Variants in KAZN observed in about 807,000 individuals in gnomAD.
KAZN encodes kazrin.
KAZN carries 40 observed loss-of-function variants against 87.4 expected under a neutral mutation model. The observed-to-expected ratio is 0.46, with a 90% CI of 0.36 to 0.60. KAZN has a LOEUF of 0.60. Among genes scored for constraint, KAZN ranks in the 20% least tolerant of loss-of-function variants. The probability of loss-of-function intolerance (pLI) is 0.00; values close to 1 mark genes in which losing one functional copy is unlikely to be tolerated. For missense variants in KAZN, 898 were observed against 1,073.9 expected (o/e 0.84, Z 2.29); for synonymous variants, 466 against 458.3 (o/e 1.02, Z -0.22).
chr1:14,614,130 A>G lies in KAZN; in HGVS notation c.226+14907A>G, dbSNP rs933633774. Among the ~76,000 whole-genome samples, 9 of 152,152 alleles carry G rather than the reference A, an allele frequency of 5.9e-5. No individual in the cohort carries two copies. The East Asian group carries it at 1.7e-3, about 29-fold the overall frequency. ...AGTGTCACCCTGCCTCATCTCCAGC[A>G]ATGTCCTAAAACCCCTCAAGCATGT... On this transcript the variant is annotated intron_variant, in intron 1 of 14. Transcript: ENST00000376030.
rs1643864342 is a variant in KAZN at position 14,735,167 on chromosome 1, C to T, written c.226+135944C>T. Among the ~76,000 whole-genome samples, 2 of 152,228 alleles carry T rather than the reference C, an allele frequency of 1.3e-5. No individual in the cohort carries two copies. Among genetic ancestry groups the T allele is most frequent in the Non-Finnish European group, 2.9e-5 (2 of 68,044 alleles). ...CTCCGCCTCCCGGGTTCACTCCATT[C>T]TCCTGCCTCAGCCTCAGGAGCAGCT... On this transcript the variant is annotated intron_variant, in intron 1 of 14. Coordinates refer to ENST00000376030, the MANE Select transcript of KAZN (RefSeq NM_201628.3). This position sits in a 1 kb window ranked among gnomAD's most constrained non-coding sequence, Gnocchi z 4.3.
At chr1:14,273,028 A>G (rs1001663234) in intron 2 of KAZN, among the ~76,000 whole-genome samples, 3 of 152,142 alleles carry the variant, frequency 2.0e-5, no homozygotes, top group Admixed American at 1.3e-4. Flanking sequence ...AGAGAGAGGA[A>G]ACGACTTGCC....
At chr1:14,665,302 T>C (rs1386318663) in intron 1 of KAZN, among the ~76,000 whole-genome samples, 2 of 151,822 alleles carry the variant, frequency 1.3e-5, no homozygotes, top group African/African-American at 2.4e-5. Flanking sequence ...TTTTTTTTTT[T>C]ATTACTGCTG....
chr1:15,019,215 C>G (rs1268285174), intron 2 of KAZN, among the ~76,000 whole-genome samples: 3 of 152,162 alleles, frequency 2.0e-5, no homozygotes, highest in African/African-American at 7.2e-5. Context: ...CCACTGCACC[C>G]CCATTCCATG....
chr1:14,887,886 T>C (rs2101139028), intron 1 of KAZN, among the ~76,000 whole-genome samples: 1 of 152,288 alleles, frequency 6.6e-6, no homozygotes, highest in Middle Eastern at 3.4e-3. Context: ...CTCGTTATGT[T>C]TCATTGTGGT....
At chr1:14,222,799 A>G (rs985258391) in intron 2 of KAZN, among the ~76,000 whole-genome samples, 1 of 152,192 alleles carries the variant, frequency 6.6e-6, no homozygotes, top group Non-Finnish European at 1.5e-5. Context: ...TGAATCTACA[A>G]AGGTCATGAT....
intron 1 of KAZN, among the ~76,000 whole-genome samples, chr1:14,738,321 ATC>A (rs1224914504): frequency 6.6e-6 from 1 of 152,132 alleles, no homozygotes; most frequent in Non-Finnish European, 1.5e-5. Flanking sequence ...GAGGGAAGCG[ATC>A]ATGCTGAAAT....
At chr1:13,979,604 A>G (rs1638554388) in intron 1 of KAZN, among the ~76,000 whole-genome samples, 1 of 152,222 alleles carries the variant, frequency 6.6e-6, no homozygotes, top group African/African-American at 2.4e-5. Context: ...AAATCTGTCA[A>G]CTGAAACAAT....
intron 1 of KAZN, among the ~76,000 whole-genome samples, chr1:14,016,443 C>G (rs926268306): frequency 1.3e-5 from 2 of 152,230 alleles, no homozygotes; most frequent in African/African-American, 2.4e-5. Context: ...AACTGAGGGA[C>G]AGTTGACTGA....
At chr1:14,327,033 A>C (rs11808849) in intron 2 of KAZN, among the ~76,000 whole-genome samples, 3,977 of 152,272 alleles carry the variant, frequency 0.026, 177 homozygotes, top group African/African-American at 0.09. Flanking sequence ...TTGATTCAAT[A>C]TCCCCAGTTC....
intron 4 of KAZN, among the ~76,000 whole-genome samples, chr1:15,048,904 C>T (rs770790211): frequency 2.7e-5 from 4 of 150,418 alleles, no homozygotes; most frequent in Non-Finnish European, 4.4e-5. Context: ...GGTCCTGGGT[C>T]GTTGGTCATG....
chr1:14,696,849 T>C (rs1018747432), intron 1 of KAZN, among the ~76,000 whole-genome samples: 1 of 152,020 alleles, frequency 6.6e-6, no homozygotes, highest in Non-Finnish European at 1.5e-5. Flanking sequence ...AGAAGCAGTG[T>C]CCCCTAGAAC....
chr1:13,915,612 A>G (rs1395066350), intron 1 of KAZN, among the ~76,000 whole-genome samples: 1 of 152,182 alleles, frequency 6.6e-6, no homozygotes, highest in African/African-American at 2.4e-5. Flanking sequence ...CTCAGCGCCC[A>G]GTTGCCCTCT....
intron 2 of KAZN, among the ~76,000 whole-genome samples, chr1:14,335,203 C>CT (rs34934115): frequency 0.16 from 20,637 of 131,288 alleles, 1,636 homozygotes; most frequent in Non-Finnish European, 0.19. Context: ...GTCCTCCTTT[C>CT]TTTTTTTTTT....
At chr1:14,676,425 GTCC>G (rs1297242763) in intron 1 of KAZN, among the ~76,000 whole-genome samples, 1 of 151,064 alleles carries the variant, frequency 6.6e-6, no homozygotes, top group Non-Finnish European at 1.5e-5. Flanking sequence ...GCCACTTCAC[GTCC>G]CTGAGCCTCA....
intron 2 of KAZN, among the ~76,000 whole-genome samples, chr1:14,347,117 G>A (rs1658161111): frequency 6.6e-6 from 1 of 152,108 alleles, no homozygotes; most frequent in Non-Finnish European, 1.5e-5. Flanking sequence ...ACCCTTCCAC[G>A]GGTGACACCT....
At chr1:14,654,016 T>G (rs546209806) in intron 1 of KAZN, among the ~76,000 whole-genome samples, 146 of 152,314 alleles carry the variant, frequency 9.6e-4, no homozygotes, top group African/African-American at 3.5e-3. Context: ...CCAGGCACGA[T>G]GGCTCACGCC....
chr1:15,041,331 C>CTTTTTTTTTTTTTT (rs71000360), intron 3 of KAZN, among the ~76,000 whole-genome samples: 6 of 114,170 alleles, frequency 5.3e-5, no homozygotes, highest in African/African-American at 1.1e-4. Flanking sequence ...CATTTTTTTT[C>CTTTTTTTTTTTTTT]TTTTTTTTTT....
At chr1:14,117,399 A>G (rs991362706) in intron 1 of KAZN, among the ~76,000 whole-genome samples, 1 of 152,094 alleles carries the variant, frequency 6.6e-6, no homozygotes, top group African/African-American at 2.4e-5. Context: ...TCTTCTGTTG[A>G]CTGCTGCTAT....
Sources: allele counts gnomAD v4.1 joint callset (sites outside exome capture counted in the v4.1 genomes callset), GRCh38; gene constraint gnomAD v4.1.1; non-coding constraint Gnocchi (gnomAD v3.1); transcripts MANE v1.5; gene names NCBI Gene and HGNC (gene_info 2026-07-23, HGNC 2026-07-21).